The following AP2B1 variants were observed in gnomAD, a reference collection of about 807,000 sequenced individuals.
The protein encoded by AP2B1 is adaptor related protein complex 2 subunit beta 1.
A neutral mutation model predicts 102.0 loss-of-function variants in AP2B1; 23 were observed. The ratio of observed to expected loss-of-function variants is 0.23; its 90% CI spans 0.16 to 0.32. AP2B1 has a LOEUF of 0.32. Ranked by LOEUF, AP2B1 falls within the 10% of genes least tolerant of loss-of-function variation. AP2B1 has a pLI of 1.00. For missense variants in AP2B1, 541 were observed against 1,157.4 expected, an observed-to-expected ratio of 0.47 and a Z score of 7.73; for synonymous variants, 381 against 421.2, an observed-to-expected ratio of 0.90 and a Z score of 1.17.
intron 18 of AP2B1, among the ~76,000 whole-genome samples, chr17:35,704,280 A>G (rs1022706872): frequency 7.9e-5 from 12 of 152,154 alleles, no homozygotes; most frequent in African/African-American, 2.7e-4. Flanking sequence ...GCATGTAGAT[A>G]TTATTTAACT....
At chr17:35,624,345 C>T in intron 5 of AP2B1, 52 bp from the exon 6 acceptor site, 3 of 1,549,436 alleles carry the variant, frequency 1.9e-6, no homozygotes, top group Non-Finnish European at 2.7e-6. Flanking sequence ...AAGTGTTTGT[C>T]TATAGCTGTG....
intron 21 of AP2B1, among the ~76,000 whole-genome samples, chr17:35,722,921 ATATTGATGTC>A (rs2085445194): frequency 6.6e-6 from 1 of 152,154 alleles, no homozygotes; most frequent in African/African-American, 2.4e-5. Context: ...GATCTTTTTA[ATATTGATGTC>A]TAATTTGGTA....
chr17:35,650,188 G>A (rs567023422), intron 12 of AP2B1, among the ~76,000 whole-genome samples: 86 of 152,170 alleles, frequency 5.7e-4, no homozygotes, highest in African/African-American at 2.0e-3. Flanking sequence ...GATCTCAAGC[G>A]ATCCGTCCAC....
rs141653744 is a variant in AP2B1 at position 35,717,212 on chromosome 17, T to A, written c.2644T>A (p.Leu882Met). 1.0e-4 allele frequency: 165 copies of A among 1,613,810 alleles called. No individual in the cohort carries two copies. Among genetic ancestry groups the A allele is most frequent in the Non-Finnish European group, 1.6e-5 (19 of 1,179,872 alleles). The change falls in exon 21 of 22, where the codon TTG (leucine) becomes ATG (methionine). Residue 882 changes from leucine (L) to methionine (M), a missense_variant. Physicochemically the swap from Leu to Met is conservative, Grantham distance 15. Transcript: ENST00000610402. ...HLNADTVSSK[L>M]QNNNVYTIAK... ...ATTTCTAGACACTGTTTCCAGCAAG[T>A]TGCAAAACAACAATGTTTATACTAT...
intron 12 of AP2B1, among the ~76,000 whole-genome samples, chr17:35,643,378 T>C (rs769124630): frequency 6.6e-6 from 1 of 152,206 alleles, no homozygotes; most frequent in Non-Finnish European, 1.5e-5. Context: ...ACTGTAAATA[T>C]TCAAGCAAGT....
intron 20 of AP2B1, among the ~76,000 whole-genome samples, chr17:35,714,839 T>A (rs2076520967): frequency 6.6e-6 from 1 of 152,232 alleles, no homozygotes; most frequent in Non-Finnish European, 1.5e-5. Flanking sequence ...TCAGATGATA[T>A]CATCAGCACA....
chr17:35,683,131 A>G (rs587696548), intron 18 of AP2B1, among the ~76,000 whole-genome samples: 1 of 151,550 alleles, frequency 6.6e-6, no homozygotes, highest in Non-Finnish European at 1.5e-5. Flanking sequence ...GCCCACATGG[A>G]CCTCCCAAAG....
intron 18 of AP2B1, among the ~76,000 whole-genome samples, chr17:35,699,039 A>G (rs1429343646): frequency 2.0e-5 from 3 of 152,314 alleles, no homozygotes; most frequent in African/African-American, 7.2e-5. Context: ...GTTTTTTGAG[A>G]TTGAGATTAA....
intron 5 of AP2B1, among the ~76,000 whole-genome samples, chr17:35,614,531 G>C (rs2073957051): frequency 1.3e-5 from 2 of 151,772 alleles, no homozygotes; most frequent in African/African-American, 4.8e-5. Context: ...AAGTCCCTTT[G>C]GTTTACTGCG....
chr17:35,689,869 C>A (rs1171247295), intron 18 of AP2B1, among the ~76,000 whole-genome samples: 5 of 152,158 alleles, frequency 3.3e-5, no homozygotes, highest in Non-Finnish European at 1.5e-5. Context: ...GTAGGCTCCT[C>A]TTCCATATTT....
chr17:35,637,652 T>G lies in AP2B1; in HGVS notation c.1271+1196T>G, dbSNP rs77930198. On this transcript the variant is annotated intron_variant, in intron 10 of 21. Transcript: ENST00000610402. ...ATTTTGGAAAGAGAACCACATACTT[T>G]TACTACTCTCCCAATAAAGAAGAGG... 9.1e-3 allele frequency among the ~76,000 whole-genome samples: 1,387 copies of G among 152,102 alleles called. 24 individuals carry two copies. The highest frequency in any genetic ancestry group is 0.031 in the African/African-American group (1,297 of 41,494).
At chr17:35,667,065 T>G (rs1376992793) in intron 14 of AP2B1, among the ~76,000 whole-genome samples, 1 of 152,218 alleles carries the variant, frequency 6.6e-6, no homozygotes, top group Admixed American at 6.5e-5. Context: ...TTTCTAGCTT[T>G]CTTTTTTCTT....
intron 5 of AP2B1, chr17:35,621,328 C>T (rs1376668936): frequency 1.2e-5 from 12 of 985,256 alleles, no homozygotes; most frequent in Middle Eastern, 5.2e-4. Flanking sequence ...GAGAGAAACT[C>T]GGCTTACGGA....
rs1225877380 is a variant in AP2B1, at chr17:35,629,751, A to G, written c.1155+2025A>G. Among the ~76,000 whole-genome samples the G allele has an allele frequency of 3.9e-5, 6 of 152,288 alleles. No homozygotes were observed. The South Asian group carries it at 6.2e-4, about 16-fold the overall frequency. On this transcript the variant is annotated intron_variant, in intron 9 of 21. Coordinates refer to ENST00000610402, the MANE Select transcript of AP2B1 (RefSeq NM_001030006.2). Reference sequence around the variant, plus strand: ...GACTATCAGGTTTCTGCTTTAGGGAAGGGGGTTTATCTTTACATGGAAGAC... The same window carrying G: ...GACTATCAGGTTTCTGCTTTAGGGAGGGGGGTTTATCTTTACATGGAAGAC...
At chr17:35,675,811 C>T (rs7213476) in intron 17 of AP2B1, among the ~76,000 whole-genome samples, 21,101 of 151,852 alleles carry the variant, frequency 0.14, 1,828 homozygotes, top group East Asian at 0.34. Flanking sequence ...CTTTTATATA[C>T]TGTTTTTCTC....
rs555160034 is a variant in AP2B1, at chr17:35,646,702, C to T, written c.1537-3828C>T. 9.2e-5 allele frequency among the ~76,000 whole-genome samples: 14 copies of T among 151,602 alleles called. No homozygotes were observed. In the South Asian group the frequency reaches 1.7e-3, roughly 18 times the overall value. ...CTCCTGGGTTCAAGTGATTCTCCCT[C>T]CTTAGCCTCCCAAGTAGCTGGGATT... On this transcript the variant is annotated intron_variant, in intron 12 of 21. Transcript: ENST00000610402.
rs587649743 is a variant in AP2B1 at position 35,695,625 on chromosome 17, G to A, written c.2454+12801G>A. On this transcript the variant is annotated intron_variant, in intron 18 of 21. Transcript: ENST00000610402. ...TTCTGCCAGTGTATAACCTCCCTGT[G>A]ATACTATTCTGACCAATCTTTTTTA... 2.0e-5 allele frequency among the ~76,000 whole-genome samples: 3 copies of A among 152,160 alleles called. No homozygotes were observed. In the East Asian group the frequency reaches 5.8e-4, roughly 30 times the overall value.
intron 2 of AP2B1, among the ~76,000 whole-genome samples, chr17:35,597,437 CT>C (rs1249337295): frequency 2.0e-5 from 3 of 152,170 alleles, no homozygotes; most frequent in African/African-American, 7.2e-5. Flanking sequence ...AGTGCGGAGC[CT>C]AAGCAGTCAT....
chr17:35,719,812 A>ACAG (rs2085301899), intron 21 of AP2B1, among the ~76,000 whole-genome samples: 1 of 152,226 alleles, frequency 6.6e-6, no homozygotes, highest in Non-Finnish European at 1.5e-5. Context: ...CCTGGTCAAC[A>ACAG]TAGTGGGACC....
Sources: allele counts gnomAD v4.1 joint callset (sites outside exome capture counted in the v4.1 genomes callset), GRCh38; gene constraint gnomAD v4.1.1; transcripts MANE v1.5; gene names NCBI Gene and HGNC (gene_info 2026-07-23, HGNC 2026-07-21).